The following SORCS1 variants were observed in gnomAD, a reference collection of about 807,000 sequenced individuals.
SORCS1 encodes the protein VPS10 domain-containing receptor SorCS1.
In SORCS1, 60 loss-of-function variants were observed where a neutral mutation model predicts 146.1. The observed-to-expected ratio is 0.41, with a 90% confidence interval of 0.33 to 0.51. SORCS1 has a LOEUF of 0.51. Among genes scored for constraint, SORCS1 ranks in the 20% least tolerant of loss-of-function variants. The pLI, the probability that SORCS1 is intolerant of heterozygous loss-of-function variation, is 0.21. For missense variants in SORCS1, 1,352 were observed against 1,487.6 expected (o/e 0.91, Z 1.50); for synonymous variants, 637 against 584.0 (o/e 1.09, Z -1.31).
At chr10:106,736,682 C>T (rs550474286) in intron 5 of SORCS1, among the ~76,000 whole-genome samples, 12 of 133,180 alleles carry the variant, frequency 9.0e-5, no homozygotes, top group Admixed American at 6.2e-4. Flanking sequence ...CCTGAGGTCT[C>T]GTCTGCGTCC....
At chr10:106,776,402 C>T in intron 4 of SORCS1, 132 bp downstream of exon 4, 1 of 1,114,166 alleles carries the variant, frequency 9.0e-7, no homozygotes, top group Non-Finnish European at 1.3e-6. Flanking sequence ...TCCCTTGTCC[C>T]ATTAGCACAG....
chr10:106,853,442 T>C (rs12248371), intron 2 of SORCS1, among the ~76,000 whole-genome samples: 5,688 of 151,826 alleles, frequency 0.037, 295 homozygotes, highest in East Asian at 0.24. Flanking sequence ...TTGTTGATTA[T>C]CTATTTTCAG....
intron 3 of SORCS1, among the ~76,000 whole-genome samples, chr10:106,809,030 T>A (rs962431401): frequency 3.3e-5 from 5 of 152,156 alleles, no homozygotes; most frequent in African/African-American, 1.2e-4. Flanking sequence ...TTACCGCCAG[T>A]TGTAAAGTAA....
chr10:106,625,200 C>CTGTGTG (rs3044907), intron 19 of SORCS1, among the ~76,000 whole-genome samples: 1,449 of 140,118 alleles, frequency 0.01, 21 homozygotes, highest in Middle Eastern at 0.022. Flanking sequence ...TTGTGTGATT[C>CTGTGTG]TGTGTGTGTG....
At chr10:106,648,890 T>TA (rs1252508418) in intron 18 of SORCS1, among the ~76,000 whole-genome samples, 1 of 151,728 alleles carries the variant, frequency 6.6e-6, no homozygotes, top group Non-Finnish European at 1.5e-5. Context: ...CCTGACACCC[T>TA]AGCAAGCAGA....
chr10:106,601,518 A>G (rs61867031), intron 23 of SORCS1, among the ~76,000 whole-genome samples: 18 of 152,218 alleles, frequency 1.2e-4, no homozygotes, highest in Non-Finnish European at 2.4e-4. Flanking sequence ...GAAAGCTATC[A>G]TCAAAAGGAT....
intron 1 of SORCS1, among the ~76,000 whole-genome samples, chr10:106,989,680 GTTTTTTTTTT>G (rs761689988): frequency 7.1e-5 from 5 of 70,360 alleles, no homozygotes; most frequent in African/African-American, 2.7e-4. Flanking sequence ...GTTTTTTTTT[GTTTTTTTTTT>G]TTTTTTTTTT....
chr10:106,718,693 C>CTGCTGATTGGTCCATTTTACAGAG (rs1233631418), intron 6 of SORCS1, among the ~76,000 whole-genome samples: 4 of 152,228 alleles, frequency 2.6e-5, no homozygotes, highest in Non-Finnish European at 5.9e-5. Context: ...TGCCCACGTC[C>CTGCTGATTGGTCCATTTTACAGAG]TGCTGATTGG....
intron 5 of SORCS1, among the ~76,000 whole-genome samples, chr10:106,738,844 A>AGGCCAG (rs1287425790): frequency 6.6e-6 from 1 of 152,006 alleles, no homozygotes; most frequent in African/African-American, 2.4e-5. Flanking sequence ...ATTTTTAAAA[A>AGGCCAG]GGCCAGGCAC....
rs779747373 is a variant in SORCS1, at chr10:106,620,463, G to C, written c.2761C>G (p.Leu921Val). The C allele has an allele frequency of 3.1e-6, 5 of 1,613,986 alleles. No homozygotes were observed. The highest frequency in any genetic ancestry group is 4.2e-6 in the Non-Finnish European group (5 of 1,179,866). Reference protein sequence around the residue: ...AVLWPSQVGTLTYVWWYGNNT... With the variant: ...AVLWPSQVGTVTYVWWYGNNT... ...TTTCCGTACCACCACACGTAAGTGA[G>C]GGTGCCCACTTGGCTGGGCCACAGC... The change falls in exon 20 of 26, where the codon CTC (leucine) becomes GTC (valine). Residue 921 changes from leucine (L) to valine (V), a missense_variant. This residue lies in a region of SORCS1 where 648 missense variants were observed against 793.8 expected (regional missense o/e 0.82). Transcript: ENST00000263054.
At chr10:106,659,093 G>A (rs945677660) in intron 17 of SORCS1, among the ~76,000 whole-genome samples, 92 of 152,182 alleles carry the variant, frequency 6.0e-4, no homozygotes, top group African/African-American at 2.2e-3. Flanking sequence ...ATAATCTTAT[G>A]TAGCAGCCAT....
intron 17 of SORCS1, among the ~76,000 whole-genome samples, chr10:106,658,409 G>A (rs1038606370): frequency 1.3e-5 from 2 of 152,040 alleles, no homozygotes; most frequent in Non-Finnish European, 2.9e-5. Context: ...AGGTGAAACT[G>A]GAACTCTAGG....
intron 3 of SORCS1, among the ~76,000 whole-genome samples, chr10:106,787,470 T>G (rs550107465): frequency 5.3e-5 from 8 of 152,212 alleles, no homozygotes; most frequent in African/African-American, 1.7e-4. Flanking sequence ...ATTTTATTAT[T>G]TTTTAAAATT....
intron 2 of SORCS1, among the ~76,000 whole-genome samples, chr10:106,883,604 G>A (rs896459735): frequency 2.0e-5 from 3 of 151,966 alleles, no homozygotes; most frequent in Non-Finnish European, 1.5e-5. Flanking sequence ...TAGTAGAGAC[G>A]GGGTTTCACC....
In SORCS1 at chr10:106,618,158, C is replaced by A. The variant is rs144597273; in HGVS notation, c.2911G>T (p.Ala971Ser). The change falls in exon 21 of 26, where the codon GCA becomes TCA. Residue 971 changes from alanine to serine, a missense_variant. Coordinates refer to ENST00000263054, the MANE Select transcript of SORCS1 (RefSeq NM_052918.5). ...NAILQDTKTI[A>S]VYEEFRSLRL... is the part of the protein sequence containing the mutation. ...TGAGATGGGCACTCACCATATACTG[C>A]GATGGTCTTTGTGTCTTGTAGGATG... 2.6e-5 allele frequency: 42 copies of A among 1,613,934 alleles called. No individual in the cohort carries two copies. Among genetic ancestry groups the A allele is most frequent in the Non-Finnish European group, 3.5e-5 (41 of 1,179,930 alleles).
intron 1 of SORCS1, among the ~76,000 whole-genome samples, chr10:107,047,699 C>T (rs184102480): frequency 2.6e-5 from 4 of 152,232 alleles, no homozygotes; most frequent in African/African-American, 4.8e-5. Context: ...CAGTGCGTTG[C>T]CAATATTTTC....
chr10:106,808,219 T>C (rs1263827468), intron 3 of SORCS1, among the ~76,000 whole-genome samples: 2 of 152,290 alleles, frequency 1.3e-5, no homozygotes, highest in East Asian at 3.9e-4. Flanking sequence ...GGTTTTTCCA[T>C]GTTGGTCAGG....
chr10:106,709,412 T>G (rs2135836161), intron 6 of SORCS1, 71 bp from the exon 7 acceptor site: 1 of 821,734 alleles, frequency 1.2e-6, no homozygotes. Context: ...ACAGTCAGGG[T>G]GGACGTTTGA....
chr10:106,729,163 C>T (rs1164321468), intron 6 of SORCS1, among the ~76,000 whole-genome samples: 1 of 152,222 alleles, frequency 6.6e-6, no homozygotes, highest in Non-Finnish European at 1.5e-5. Context: ...TGAATTCTCA[C>T]CTGAATAGGC....
Sources: allele counts gnomAD v4.1 joint callset (sites outside exome capture counted in the v4.1 genomes callset), GRCh38; gene constraint gnomAD v4.1.1; regional missense constraint gnomAD v4.1.1; transcripts MANE v1.5; gene names NCBI Gene and HGNC (gene_info 2026-07-23, HGNC 2026-07-21).